Variants in PPFIBP1 observed in about 807,000 individuals in gnomAD.
PPFIBP1 encodes liprin-beta-1.
In PPFIBP1, 112 loss-of-function variants were observed where a neutral mutation model predicts 137.8. That is an observed-to-expected ratio of 0.81 (90% CI 0.70 to 0.95). The LOEUF is 0.95. Among genes scored for constraint, PPFIBP1 ranks in the 40% least tolerant of loss-of-function variants. The pLI is 0.00. For missense variants in PPFIBP1, 1,083 were observed against 1,196.6 expected (o/e 0.91, Z 1.40); for synonymous variants, 378 against 417.3 (o/e 0.91, Z 1.15).
chr12:27,609,999 T>A (rs1330444593), intron 2 of PPFIBP1, among the ~76,000 whole-genome samples: 2 of 152,108 alleles, frequency 1.3e-5, no homozygotes, highest in African/African-American at 4.8e-5. Context: ...GCCTGTGCAA[T>A]TTAGAAAATG....
intron 1 of PPFIBP1, among the ~76,000 whole-genome samples, chr12:27,553,030 G>C (rs1946936721): frequency 6.6e-6 from 1 of 152,054 alleles, no homozygotes; most frequent in Non-Finnish European, 1.5e-5. Context: ...GCTAAACTTG[G>C]ATTTTACAAG....
At chr12:27,633,794 T>C (rs1355807595) in intron 3 of PPFIBP1, among the ~76,000 whole-genome samples, 2 of 151,456 alleles carry the variant, frequency 1.3e-5, no homozygotes, top group African/African-American at 4.8e-5. Flanking sequence ...TGATCTGTTT[T>C]CTTGAATTCA....
intron 2 of PPFIBP1, among the ~76,000 whole-genome samples, chr12:27,590,060 G>A (rs141752943): frequency 0.017 from 2,634 of 152,240 alleles, 204 homozygotes; most frequent in Admixed American, 0.14. Context: ...AACTCTTTAA[G>A]CTGTTGTATT....
chr12:27,650,059 C>T lies in PPFIBP1; in HGVS notation c.521C>T (p.Ala174Val). ...SLETQKLDLM[A>V]EISNLKLKLT... Reference sequence around the variant, plus strand: ...GAAACTCAGAAGTTGGATCTGATGGCTGAAATATCTAACTTGAAGTTGAAA... The same window carrying T: ...GAAACTCAGAAGTTGGATCTGATGGTTGAAATATCTAACTTGAAGTTGAAA... The change falls in exon 7 of 30, where the codon GCT (alanine) becomes GTT (valine). Residue 174 changes from alanine to valine, a missense_variant. Coordinates refer to ENST00000228425, the MANE Select transcript of PPFIBP1 (RefSeq NM_003622.4). The T allele has an allele frequency of 6.2e-7, 1 of 1,603,494 alleles. No homozygotes were observed. Among genetic ancestry groups the T allele is most frequent in the South Asian group, 1.1e-5 (1 of 90,818 alleles).
At chr12:27,673,402 G>T (rs1020340655) in intron 15 of PPFIBP1, among the ~76,000 whole-genome samples, 2 of 152,198 alleles carry the variant, frequency 1.3e-5, no homozygotes, top group African/African-American at 4.8e-5. Context: ...AGAAGGATTA[G>T]ATATAAATAG....
At position 27,568,888 on chromosome 12, in the gene PPFIBP1, A is replaced by G. The variant is rs563038595; in HGVS notation, c.-123-9264A>G. Among the ~76,000 whole-genome samples, 18 of 152,222 alleles carry G rather than the reference A, an allele frequency of 1.2e-4. No individual in the cohort carries two copies. The South Asian group carries it at 3.7e-3, about 32-fold the overall frequency. ...AGGTTCCATAGGCTTTTTGAACTCAAATGTGATAAAAATTTAATTATGCAC... is the reference window on the plus strand; with the variant it reads ...AGGTTCCATAGGCTTTTTGAACTCAGATGTGATAAAAATTTAATTATGCAC... On this transcript the variant is annotated intron_variant, in intron 1 of 29. Coordinates refer to ENST00000228425, the MANE Select transcript of PPFIBP1 (RefSeq NM_003622.4).
chr12:27,649,909 T>A, intron 6 of PPFIBP1, 101 bp from the exon 7 acceptor site: 1 of 1,081,530 alleles, frequency 9.2e-7, no homozygotes, highest in Non-Finnish European at 1.3e-6. Flanking sequence ...CACTATATCC[T>A]CTACTTGATA....
At chr12:27,652,046 T>G (rs1482061354) in intron 7 of PPFIBP1, among the ~76,000 whole-genome samples, 1 of 152,242 alleles carries the variant, frequency 6.6e-6, no homozygotes, top group African/African-American at 2.4e-5. Flanking sequence ...TGGTAAACTT[T>G]GTGATGTTAC....
At chr12:27,647,104 C>T (rs771309572) in intron 5 of PPFIBP1, among the ~76,000 whole-genome samples, 14 of 152,192 alleles carry the variant, frequency 9.2e-5, no homozygotes, top group South Asian at 4.1e-4. Flanking sequence ...CGGATCCAAG[C>T]GATTCTCCTG....
chr12:27,688,503 AT>A, intron 26 of PPFIBP1, 80 bp downstream of exon 26: 2 of 1,534,994 alleles, frequency 1.3e-6, no homozygotes, highest in Non-Finnish European at 1.8e-6. Context: ...ATTTTTGCTT[AT>A]CATAATCCTA....
chr12:27,686,494 T>C (rs1395093248), intron 24 of PPFIBP1, among the ~76,000 whole-genome samples: 1 of 152,218 alleles, frequency 6.6e-6, no homozygotes, highest in East Asian at 1.9e-4. Context: ...AATATATATA[T>C]GTGATACTTA....
chr12:27,639,467 T>G (rs2057945894), intron 4 of PPFIBP1, among the ~76,000 whole-genome samples: 1 of 152,300 alleles, frequency 6.6e-6, no homozygotes, highest in East Asian at 1.9e-4. Context: ...TAACTGAGGA[T>G]CATGACCTTG....
At chr12:27,637,772 T>C (rs2057790975) in intron 4 of PPFIBP1, among the ~76,000 whole-genome samples, 2 of 152,334 alleles carry the variant, frequency 1.3e-5, no homozygotes, top group South Asian at 2.1e-4. Flanking sequence ...CGATAGACTT[T>C]ATTTTAGAAC....
intron 7 of PPFIBP1, among the ~76,000 whole-genome samples, chr12:27,650,818 C>T (rs1265602484): frequency 6.6e-6 from 1 of 152,206 alleles, no homozygotes; most frequent in Admixed American, 6.5e-5. Context: ...TTCTTAACCT[C>T]TCTGTTGGTT....
chr12:27,574,455 G>A (rs2050399240), intron 1 of PPFIBP1, among the ~76,000 whole-genome samples: 1 of 152,076 alleles, frequency 6.6e-6, no homozygotes, highest in Non-Finnish European at 1.5e-5. Flanking sequence ...ATAGATATTG[G>A]TCAGTTAGCT....
intron 1 of PPFIBP1, among the ~76,000 whole-genome samples, chr12:27,538,730 A>G (rs1945327198): frequency 6.6e-6 from 1 of 152,240 alleles, no homozygotes; most frequent in Non-Finnish European, 1.5e-5. Flanking sequence ...TGCCCCAGCT[A>G]GAAAATGCAG....
chr12:27,667,025 G>A, intron 12 of PPFIBP1, 141 bp from the exon 13 acceptor site: 1 of 828,212 alleles, frequency 1.2e-6, no homozygotes, highest in Non-Finnish European at 1.8e-6. Flanking sequence ...TTTTTCAAGG[G>A]CTGCCAGGAG....
rs543711903 is a variant in PPFIBP1 at position 27,539,314 on chromosome 12, G to GTT, written c.-124+14951_-124+14952dup. The stretch of plus-strand genomic sequence containing the variant: ...AGTGGTGACAGACTCACTGGAGATT[G>GTT]TTTATGTTACACTGTGTACTACCAT... On this transcript the variant is annotated intron_variant, in intron 1 of 29. Coordinates refer to ENST00000228425, the MANE Select transcript of PPFIBP1 (RefSeq NM_003622.4). Among the ~76,000 whole-genome samples, 91 of 152,314 alleles carry GTT rather than the reference G, an allele frequency of 6.0e-4. 2 individuals are homozygous for GTT. In the South Asian group the frequency reaches 0.018, roughly 31 times the overall value.
intron 2 of PPFIBP1, among the ~76,000 whole-genome samples, chr12:27,627,074 A>G (rs554556303): frequency 6.6e-6 from 1 of 152,322 alleles, no homozygotes; most frequent in East Asian, 1.9e-4. Context: ...TGGGGTATCT[A>G]TCACCTCAAG....
Sources: gnomAD v4.1 joint callset for allele counts (sites outside exome capture counted in the v4.1 genomes callset) on GRCh38, gnomAD v4.1.1 for gene constraint, MANE v1.5 for transcripts, NCBI Gene and HGNC (gene_info 2026-07-23, HGNC 2026-07-21) for gene names.